The following NTM variants were observed in gnomAD, a reference collection of about 807,000 sequenced individuals.
The protein encoded by NTM is IgLON family member 2.
In NTM, 13 loss-of-function variants were observed where a neutral mutation model predicts 42.1. The observed-to-expected ratio is 0.31, with a 90% CI of 0.20 to 0.49. The LOEUF (loss-of-function observed/expected upper bound fraction) is 0.49. Among genes scored for constraint, NTM ranks in the 20% least tolerant of loss-of-function variants. The pLI is 0.99. For synonymous variants in NTM, 187 were observed against 179.2 expected (o/e 1.04, Z -0.35); for missense variants, 373 against 452.8 (o/e 0.82, Z 1.60).
intron 4 of NTM, among the ~76,000 whole-genome samples, chr11:132,283,750 A>T (rs1051981986): frequency 2.0e-5 from 3 of 152,116 alleles, no homozygotes; most frequent in Non-Finnish European, 4.4e-5. Flanking sequence ...GCGAAGAGGG[A>T]TAGGAGGGGA....
chr11:131,924,894 T>C (rs548255636), intron 2 of NTM, among the ~76,000 whole-genome samples: 1 of 152,262 alleles, frequency 6.6e-6, no homozygotes, highest in African/African-American at 2.4e-5. Flanking sequence ...AATATACAGA[T>C]GTAGTTTCTG....
intron 1 of NTM, among the ~76,000 whole-genome samples, chr11:131,494,783 G>A (rs4445644): frequency 0.01 from 1,598 of 152,252 alleles, 18 homozygotes; most frequent in African/African-American, 0.035. Flanking sequence ...GCAAGTTCCC[G>A]TCCACTGTGA....
intron 4 of NTM, among the ~76,000 whole-genome samples, chr11:132,250,256 G>A (rs1050116474): frequency 2.0e-5 from 3 of 152,100 alleles, no homozygotes; most frequent in Non-Finnish European, 2.9e-5. Flanking sequence ...TTCCATGAAC[G>A]TTTTCTGCCT....
rs550531258 is a variant in NTM, at chr11:131,978,383, G to C, written c.167+66735G>C. Among the ~76,000 whole-genome samples the C allele has an allele frequency of 2.6e-5, 4 of 152,288 alleles. No individual in the cohort carries two copies. The South Asian group carries it at 8.3e-4, about 32-fold the overall frequency. On this transcript the variant is annotated intron_variant, in intron 2 of 8. Coordinates refer to ENST00000683400, the MANE Select transcript of NTM (RefSeq NM_001352005.2). The stretch of plus-strand genomic sequence containing the variant: ...AGGGGATTTTAGAACACCTAGTCTG[G>C]TGGATTTCAAATTATTCGGGTCAGA...
At chr11:131,380,514 T>C (rs1591509691) in intron 1 of NTM, among the ~76,000 whole-genome samples, 1 of 151,968 alleles carries the variant, frequency 6.6e-6, no homozygotes, top group African/African-American at 2.4e-5. Flanking sequence ...CCCAACTGAG[T>C]CTTCTTACTG....
At chr11:132,299,360 A>G (rs1415847074) in intron 4 of NTM, among the ~76,000 whole-genome samples, 1 of 152,204 alleles carries the variant, frequency 6.6e-6, no homozygotes. Context: ...TGCAAAGGGT[A>G]TAGTGAACAT....
intron 1 of NTM, among the ~76,000 whole-genome samples, chr11:131,389,611 G>A (rs1247354501): frequency 6.6e-6 from 1 of 152,168 alleles, no homozygotes; most frequent in Non-Finnish European, 1.5e-5. Context: ...GTAAATGACT[G>A]GAAAAGCAGT....
intron 2 of NTM, among the ~76,000 whole-genome samples, chr11:131,990,788 G>A (rs1593465066): frequency 6.6e-6 from 1 of 152,166 alleles, no homozygotes; most frequent in East Asian, 1.9e-4. Context: ...TTTTGTCTGA[G>A]CTAGCAAAGG....
chr11:131,756,284 C>T (rs1409549000), intron 1 of NTM, among the ~76,000 whole-genome samples: 1 of 152,150 alleles, frequency 6.6e-6, no homozygotes, highest in Admixed American at 6.6e-5. Context: ...GAAGGGATCT[C>T]CTCTTGTTAA....
chr11:131,643,935 G>C (rs2065454053), intron 1 of NTM, among the ~76,000 whole-genome samples: 3 of 152,156 alleles, frequency 2.0e-5, no homozygotes, highest in Admixed American at 2.0e-4. Flanking sequence ...TTTGGATTTT[G>C]GCAATATGGG....
chr11:132,083,947 CCTT>C lies in NTM; in HGVS notation c.168-62334_168-62332del, dbSNP rs1239187647. ...TTTAAATAGTTCAAAATAAAAGTGCCCTTGACTCAGAAAAAAAAAATTAGCAAT... is the reference window on the plus strand; with the variant it reads ...TTTAAATAGTTCAAAATAAAAGTGCCGACTCAGAAAAAAAAAATTAGCAAT... On this transcript the variant is annotated intron_variant, in intron 2 of 8. Transcript: ENST00000683400. Among the ~76,000 whole-genome samples the C allele has an allele frequency of 2.0e-5, 3 of 151,634 alleles. No individual in the cohort carries two copies. The East Asian group carries it at 5.8e-4, about 29-fold the overall frequency.
chr11:131,653,273 A>C, intron 1 of NTM, among the ~76,000 whole-genome samples: 1 of 61,420 alleles, frequency 1.6e-5, no homozygotes, highest in East Asian at 1.0e-3. Flanking sequence ...GTCTCCCTCC[A>C]CCTGCTGTCT....
intron 2 of NTM, among the ~76,000 whole-genome samples, chr11:132,132,814 A>G (rs974704219): frequency 6.6e-6 from 1 of 152,216 alleles, no homozygotes; most frequent in Non-Finnish European, 1.5e-5. Flanking sequence ...AAATCAAGCT[A>G]CTAGGCATGG....
intron 2 of NTM, among the ~76,000 whole-genome samples, chr11:132,059,866 C>T (rs555421375): frequency 5.2e-4 from 79 of 152,292 alleles, no homozygotes; most frequent in South Asian, 2.3e-3. Context: ...CTCCATTCCT[C>T]AGCCACACAC....
intron 1 of NTM, among the ~76,000 whole-genome samples, chr11:131,556,747 T>C (rs528365994): frequency 7.2e-5 from 11 of 152,012 alleles, no homozygotes; most frequent in Non-Finnish European, 1.6e-4. Context: ...TTTGTATTTT[T>C]AGTAGAGACG....
chr11:131,587,530 T>A (rs2058981987), intron 1 of NTM, among the ~76,000 whole-genome samples: 1 of 152,270 alleles, frequency 6.6e-6, no homozygotes, highest in East Asian at 1.9e-4. Context: ...CAAATTCAAA[T>A]TATTAAATAC....
intron 4 of NTM, among the ~76,000 whole-genome samples, chr11:132,265,587 G>A (rs4937687): frequency 0.21 from 31,973 of 151,936 alleles, 4,358 homozygotes; most frequent in East Asian, 0.64. Context: ...ATACATTGCC[G>A]GGAATCTAGG....
At chr11:132,270,296 A>G (rs756178528) in intron 4 of NTM, among the ~76,000 whole-genome samples, 53 of 152,318 alleles carry the variant, frequency 3.5e-4, no homozygotes, top group Middle Eastern at 3.4e-3. Context: ...CAATAGCACG[A>G]TATCGGCTCA....
chr11:132,176,794 T>G (rs1441868529), intron 3 of NTM, among the ~76,000 whole-genome samples: 1 of 132,878 alleles, frequency 7.5e-6, no homozygotes, highest in East Asian at 2.5e-4. Flanking sequence ...AGTGGCACAA[T>G]CTCGGCTCAC....
Sources: allele counts gnomAD v4.1 joint callset (sites outside exome capture counted in the v4.1 genomes callset), GRCh38; gene constraint gnomAD v4.1.1; transcripts MANE v1.5; gene names NCBI Gene and HGNC (gene_info 2026-07-23, HGNC 2026-07-21).